The following TSPYL2 variants were observed in gnomAD, a reference collection of about 807,000 sequenced individuals.
TSPYL2 encodes testis-specific Y-encoded-like protein 2.
In TSPYL2, 9 loss-of-function variants were observed where a neutral mutation model predicts 33.0. The observed-to-expected ratio is 0.27, with a 90% CI of 0.16 to 0.48. The LOEUF (loss-of-function observed/expected upper bound fraction) is 0.48, where lower values mean the gene tolerates loss of function less well. TSPYL2 is among the 20% of genes least tolerant of loss of function. The pLI, the probability that TSPYL2 is intolerant of heterozygous loss-of-function variation, is 0.99. For missense variants in TSPYL2, 636 were observed against 586.2 expected, an observed-to-expected ratio of 1.08 and a Z score of -0.88; for synonymous variants, 330 against 233.6, an observed-to-expected ratio of 1.41 and a Z score of -3.77.
intron 6 of TSPYL2, chrX:53,086,700 C>T (rs1266285117): frequency 4.9e-6 from 1 of 204,123 alleles, no homozygotes; most frequent in Admixed American, 8.1e-5. Flanking sequence ...GGGAGCAGAG[C>T]ATGAAGTGAA....
intron 1 of TSPYL2, among the ~76,000 whole-genome samples, chrX:53,083,885 C>G (rs992700637): frequency 1.8e-5 from 2 of 111,285 alleles, no homozygotes; most frequent in African/African-American, 6.6e-5. Flanking sequence ...GAGGGAGTGT[C>G]TAGGTATAGA....
chrX:53,087,142 C>T (rs782736463), intron 6 of TSPYL2: 25 of 112,567 alleles, frequency 2.2e-4, no homozygotes, highest in Non-Finnish European at 3.4e-4. Flanking sequence ...AACTACTCTT[C>T]GGGTTTTTTT....
Position 53,088,388 on chromosome X carries a change from C to T in TSPYL2, c.*449C>T, listed in dbSNP as rs1240796282. The T allele has an allele frequency of 8.0e-6, 1 of 124,749 alleles. No homozygotes were observed. Among genetic ancestry groups the T allele is most frequent in the African/African-American group, 3.2e-5 (1 of 31,600 alleles). The allele number at this position is 124,749 out of a possible 1,213,427, so 10.3% of individuals were successfully genotyped here. On this transcript the variant is annotated 3_prime_UTR_variant, in exon 7 of 7. Coordinates refer to ENST00000375442, the MANE Select transcript of TSPYL2 (RefSeq NM_022117.4). The stretch of plus-strand genomic sequence containing the variant: ...TCCCAAGTTCTTTCTCCATCCCTCT[C>T]CTCTTCCCGCCGCGCCGCTAGCCCG...
In TSPYL2 at chrX:53,085,870, C is replaced by T. The variant is rs782807185; in HGVS notation, c.1478C>T (p.Thr493Ile). 1 of 1,211,534 alleles carries T rather than the reference C, an allele frequency of 8.3e-7. No individual in the cohort carries two copies. The highest frequency in any genetic ancestry group is 1.8e-5 in the South Asian group (1 of 56,930). ...DHNEVPNNET[T>I]DNNESADDHE... ...AATGAGGTCCCCAACAACGAGACCA[C>T]TGATAACAACGAGAGTGCTGATGAC... The change falls in exon 6 of 7, where the codon ACT (threonine) becomes ATT (isoleucine). Residue 493 changes from threonine (T) to isoleucine (I), a missense_variant. Thr to Ile is a moderately conservative substitution (Grantham distance 89, BLOSUM62 -1). Transcript: ENST00000375442.
In TSPYL2 at chrX:53,086,328, C is replaced by A. The variant is rs782640245; in HGVS notation, c.1918+18C>A. 1 of 1,156,316 alleles carries A rather than the reference C, an allele frequency of 8.6e-7. No individual in the cohort carries two copies. Among genetic ancestry groups the A allele is most frequent in the Admixed American group, 2.2e-5 (1 of 45,067 alleles). On this transcript the variant is annotated intron_variant, in intron 6 of 6. Coordinates refer to ENST00000375442, the MANE Select transcript of TSPYL2 (RefSeq NM_022117.4). ...TGAGGAAGGTGAGCTAATCCCCCCCCACCCTTGTCTTCCCTCTTTTCTTTT... is the reference window on the plus strand; with the variant it reads ...TGAGGAAGGTGAGCTAATCCCCCCCAACCCTTGTCTTCCCTCTTTTCTTTT...
rs1469158674 is a variant in TSPYL2 at position 53,082,523 on chromosome X, C to T, written c.25C>T (p.Pro9Ser). ...CATGGACCGCCCAGATGAGGGGCCT[C>T]CGGCCAAGACCCGCCGCCTGAGCAG... is the stretch of plus-strand genomic sequence containing the variant. MDRPDEGP[P>S]AKTRRLSSSE... is the part of the protein sequence containing the mutation. The change falls in exon 1 of 7, where the codon CCG (proline) becomes TCG (serine). Residue 9 changes from proline (P) to serine (S), a missense_variant. This residue lies in a region of TSPYL2 where 231 missense variants were observed against 201.6 expected (regional missense o/e 1.15). Transcript: ENST00000375442. 3.5e-6 allele frequency: 4 copies of T among 1,158,254 alleles called. No individual in the cohort carries two copies. Among genetic ancestry groups the T allele is most frequent in the Non-Finnish European group, 4.6e-6 (4 of 873,343 alleles).
chrX:53,086,594 A>G lies in TSPYL2; in HGVS notation c.1918+284A>G, dbSNP rs782005663. The stretch of plus-strand genomic sequence containing the variant: ...GACAGTGGGTGGAAAACTGAAAAGG[A>G]CACTTCACATCGAGGTGGGGGAGTG... On this transcript the variant is annotated intron_variant, in intron 6 of 6. Coordinates refer to ENST00000375442, the MANE Select transcript of TSPYL2 (RefSeq NM_022117.4). 2.1e-5 allele frequency: 8 copies of G among 379,722 alleles called. No individual in the cohort carries two copies. In the South Asian group the frequency reaches 2.9e-4, roughly 14 times the overall value. 31.3% of individuals were successfully genotyped at this position (379,722 alleles called of 1,213,427 possible).
At chrX:53,083,940 C>T (rs1210689898) in intron 1 of TSPYL2, among the ~76,000 whole-genome samples, 2 of 111,977 alleles carry the variant, frequency 1.8e-5, no homozygotes. Flanking sequence ...GACACATACA[C>T]ATACATGTAA....
In TSPYL2 at chrX:53,082,525, G is replaced by A; in HGVS notation, c.27G>A (p.Pro9=). ...TGGACCGCCCAGATGAGGGGCCTCC[G>A]GCCAAGACCCGCCGCCTGAGCAGCT... is the stretch of plus-strand genomic sequence containing the variant. MDRPDEGP[P]AKTRRLSSSE... is the part of the protein sequence containing the mutation. Residue 9 remains proline (P), a synonymous_variant, in exon 1 of 7, where the codon CCG becomes CCA. Transcript: ENST00000375442. 1.7e-6 allele frequency: 2 copies of A among 1,160,381 alleles called. No homozygotes were observed. The highest frequency in any genetic ancestry group is 2.6e-5 in the Admixed American group (1 of 39,195).
chrX:53,087,895 C>T lies in TSPYL2; in HGVS notation c.2038C>T (p.Pro680Ser). 41 of 1,211,499 alleles carry T rather than the reference C, an allele frequency of 3.4e-5. No homozygotes were observed. The highest frequency in any genetic ancestry group is 4.5e-5 in the Non-Finnish European group (40 of 895,398). The change falls in exon 7 of 7, where the codon CCA (proline) becomes TCA (serine). Residue 680 changes from proline to serine, a missense_variant. By Grantham distance (74) the Pro-to-Ser change is moderately conservative. Coordinates refer to ENST00000375442, the MANE Select transcript of TSPYL2 (RefSeq NM_022117.4). ...DSDLEDVLQV[P>S]NGWANPGKRG... ...TGACCTAGAGGATGTGCTTCAGGTCCCAAACGGTTGGGCCAATCCGGGGAA... is the reference window on the plus strand; with the variant it reads ...TGACCTAGAGGATGTGCTTCAGGTCTCAAACGGTTGGGCCAATCCGGGGAA...
At chrX:53,084,354 G>A (rs1337241365) in intron 1 of TSPYL2, among the ~76,000 whole-genome samples, 191 bp from the exon 2 acceptor site, 2 of 111,934 alleles carry the variant, frequency 1.8e-5, no homozygotes, top group African/African-American at 6.5e-5. Flanking sequence ...ACCCTGTAGG[G>A]CCACCTAACA....
chrX:53,083,633 CA>C (rs1932682906), intron 1 of TSPYL2, among the ~76,000 whole-genome samples: 1 of 107,239 alleles, frequency 9.3e-6, no homozygotes, highest in South Asian at 4.2e-4. Context: ...GGGCACACAG[CA>C]AAAAAATTGG....
chrX:53,082,605 G>C lies in TSPYL2; in HGVS notation c.107G>C (p.Arg36Pro). 1.7e-6 allele frequency: 2 copies of C among 1,152,655 alleles called. No individual in the cohort carries two copies. The highest frequency in any genetic ancestry group is 2.3e-6 in the Non-Finnish European group (2 of 869,633). 95.0% of individuals were successfully genotyped at this position (1,152,655 alleles called of 1,213,427 possible). A position where few individuals can be genotyped will look rare whatever the true frequency, so the allele number is the denominator to read the frequency against. The change falls in exon 1 of 7, where the codon CGA (arginine) becomes CCA (proline). Residue 36 changes from arginine (R) to proline (P), a missense_variant. Physicochemically the swap from Arg to Pro is moderately radical, Grantham distance 103. Transcript: ENST00000375442. ...PPPPPPPPLL[R>P]LPLPPPQQRP... ...CCGCCGCCGCCGCCGCCGCTCCTCC[G>C]ACTGCCGCTGCCTCCACCCCAGCAG...
chrX:53,082,392 T>TTGCG lies in TSPYL2; in HGVS notation c.-104_-101dup. The TTGCG allele has an allele frequency of 1.3e-6, 1 of 758,969 alleles. No homozygotes were observed. The highest frequency in any genetic ancestry group is 1.8e-6 in the Non-Finnish European group (1 of 552,870). 62.5% of individuals were successfully genotyped at this position (758,969 alleles called of 1,213,427 possible). On this transcript the variant is annotated 5_prime_UTR_variant, in exon 1 of 7. Transcript: ENST00000375442. ...AGAGCGAGGTGGTGAGGAGAGCTGG[T>TTGCG]TGCGTGAGTCTCCTCAGCTCTGCTT...
intron 6 of TSPYL2, 185 bp downstream of exon 6, chrX:53,086,495 A>C (rs1281520046): frequency 8.6e-6 from 4 of 464,760 alleles, no homozygotes; most frequent in South Asian, 3.3e-5. Flanking sequence ...ACAAAACCCC[A>C]AAAAATCATT....
In TSPYL2 at chrX:53,082,539, G is replaced by T; in HGVS notation, c.41G>T (p.Arg14Leu). 8.6e-7 allele frequency: 1 copy of T among 1,158,510 alleles called. No individual in the cohort carries two copies. Residue 14 changes from arginine to leucine, a missense_variant, in exon 1 of 7, where the codon CGC becomes CTC. This residue lies in a region of TSPYL2 where 231 missense variants were observed against 201.6 expected (regional missense o/e 1.15). Coordinates refer to ENST00000375442, the MANE Select transcript of TSPYL2 (RefSeq NM_022117.4). ...PDEGPPAKTRRLSSSESPQRD... is the reference protein window; with the variant it reads ...PDEGPPAKTRLLSSSESPQRD... The stretch of plus-strand genomic sequence containing the variant: ...GAGGGGCCTCCGGCCAAGACCCGCC[G>T]CCTGAGCAGCTCCGAGTCTCCACAG...
At chrX:53,087,494 T>G (rs1016138811) in intron 6 of TSPYL2, 1 of 335,381 alleles carries the variant, frequency 3.0e-6, no homozygotes, top group Non-Finnish European at 5.3e-6. Flanking sequence ...CATTGAGGAG[T>G]ACAAGGGGGA....
At position 53,085,337 on chromosome X, in the gene TSPYL2, T is replaced by A; in HGVS notation, c.1238+16T>A. On this transcript the variant is annotated intron_variant, in intron 5 of 6. Coordinates refer to ENST00000375442, the MANE Select transcript of TSPYL2 (RefSeq NM_022117.4). ...TGAAGAAACGGTAATGGGAGTTTGG[T>A]CGCTGAGAGGTGGTTTGTTGGGGAT... 1 of 1,171,939 alleles carries A rather than the reference T, an allele frequency of 8.5e-7. No individual in the cohort carries two copies. The highest frequency in any genetic ancestry group is 1.2e-6 in the Non-Finnish European group (1 of 866,305).
At chrX:53,084,113 G>A (rs1436519679) in intron 1 of TSPYL2, among the ~76,000 whole-genome samples, 1 of 111,471 alleles carries the variant, frequency 9.0e-6, no homozygotes, top group Non-Finnish European at 1.9e-5. Context: ...GTGACCACAG[G>A]TCCTCAGCAT....
Sources: allele counts gnomAD v4.1 joint callset (sites outside exome capture counted in the v4.1 genomes callset), GRCh38; gene constraint gnomAD v4.1.1; regional missense constraint gnomAD v4.1.1; transcripts MANE v1.5; gene names NCBI Gene and HGNC (gene_info 2026-07-23, HGNC 2026-07-21).